ETV6: variants seen among roughly 807,000 people sequenced by gnomAD.
ETV6 encodes the protein transcription factor ETV6.
In ETV6, 16 loss-of-function variants were observed where a neutral mutation model predicts 51.1. The ratio of observed to expected loss-of-function variants is 0.31; its 90% CI spans 0.21 to 0.48. The LOEUF (loss-of-function observed/expected upper bound fraction) is 0.48, where lower values mean the gene tolerates loss of function less well. Among genes scored for constraint, ETV6 ranks in the 20% least tolerant of loss-of-function variants. The probability of loss-of-function intolerance (pLI) is 0.99; values close to 1 mark genes in which losing one functional copy is unlikely to be tolerated. For synonymous variants in ETV6, 240 were observed against 224.1 expected (o/e 1.07, Z -0.64); for missense variants, 458 against 594.8 (o/e 0.77, Z 2.39).
At chr12:11,689,525 C>T (rs530185903) in intron 1 of ETV6, among the ~76,000 whole-genome samples, 54 of 152,258 alleles carry the variant, frequency 3.5e-4, no homozygotes, top group South Asian at 8.3e-4. Flanking sequence ...CATCCTGGCA[C>T]AAAAATGTCC....
chr12:11,869,644 C>T lies in ETV6; in HGVS notation c.684C>T (p.Asn228=). ...GACCCAGGCCGCACCAGGAGAACAACCACCAGGAGTCCTACCCTCTGTCAG... is the reference window on the plus strand; with the variant it reads ...GACCCAGGCCGCACCAGGAGAACAATCACCAGGAGTCCTACCCTCTGTCAG... ...AQGPRPHQEN[N]HQESYPLSVS... is the part of the protein sequence containing the mutation. The change falls in exon 5 of 8, where the codon AAC becomes AAT. Residue 228 remains asparagine, a synonymous_variant. Transcript: ENST00000396373. This position sits in a 1 kb window ranked among gnomAD's most constrained non-coding sequence, Gnocchi z 5.0. The T allele has an allele frequency of 6.2e-7, 1 of 1,614,186 alleles. No individual in the cohort carries two copies. The highest frequency in any genetic ancestry group is 1.1e-5 in the South Asian group (1 of 91,070).
At chr12:11,860,234 C>G (rs1040472793) in intron 4 of ETV6, among the ~76,000 whole-genome samples, 1 of 152,162 alleles carries the variant, frequency 6.6e-6, no homozygotes. Flanking sequence ...TAAACCCACT[C>G]GATTCTCTAG....
chr12:11,888,024 T>C (rs183390615), intron 7 of ETV6, among the ~76,000 whole-genome samples: 11 of 152,296 alleles, frequency 7.2e-5, no homozygotes, highest in South Asian at 6.2e-4. Context: ...ACAAGCAGTT[T>C]CATGAGATCT....
At chr12:11,751,744 C>T (rs1427169307) in intron 1 of ETV6, 1 of 414,022 alleles carries the variant, frequency 2.4e-6, no homozygotes, top group East Asian at 6.3e-5. Context: ...TTTGAATGAA[C>T]TATGAAATAC....
chr12:11,711,054 A>G (rs890321858), intron 1 of ETV6, among the ~76,000 whole-genome samples: 1 of 152,236 alleles, frequency 6.6e-6, no homozygotes, highest in Non-Finnish European at 1.5e-5. Flanking sequence ...TCACAGGACC[A>G]CAGCAAATGT....
intron 7 of ETV6, 74 bp from the exon 8 acceptor site, chr12:11,890,867 A>T: frequency 9.0e-7 from 1 of 1,116,088 alleles, no homozygotes; most frequent in Non-Finnish European, 1.4e-6. Context: ...TTCTTTATAT[A>T]CAGGCTAGAG....
intron 2 of ETV6, among the ~76,000 whole-genome samples, chr12:11,824,747 G>C (rs1343318250): frequency 1.3e-5 from 2 of 152,180 alleles, no homozygotes; most frequent in Non-Finnish European, 2.9e-5. Flanking sequence ...ACTCCAGCCT[G>C]AGCGACAGAG....
intron 5 of ETV6, among the ~76,000 whole-genome samples, chr12:11,876,433 C>T (rs1164802096): frequency 6.6e-6 from 1 of 152,200 alleles, no homozygotes; most frequent in Non-Finnish European, 1.5e-5. Context: ...AACTAAGCTC[C>T]TGCTTTAACT....
chr12:11,823,522 G>A (rs569606810), intron 2 of ETV6, among the ~76,000 whole-genome samples: 20 of 149,780 alleles, frequency 1.3e-4, no homozygotes, highest in Admixed American at 6.6e-4. Context: ...GCTGGAGTGC[G>A]GTGGTACGAT....
intron 1 of ETV6, among the ~76,000 whole-genome samples, chr12:11,684,897 A>G (rs930450721): frequency 3.3e-5 from 5 of 152,240 alleles, no homozygotes; most frequent in African/African-American, 1.2e-4. Flanking sequence ...AAATGTAAGT[A>G]AAATACGAAC....
intron 1 of ETV6, among the ~76,000 whole-genome samples, chr12:11,712,646 C>T (rs1445206671): frequency 1.2e-4 from 18 of 152,174 alleles, no homozygotes; most frequent in African/African-American, 4.3e-4. Context: ...CTTCCTCTTC[C>T]TTGGGAGACC....
At chr12:11,694,416 T>C (rs963866007) in intron 1 of ETV6, among the ~76,000 whole-genome samples, 10 of 152,220 alleles carry the variant, frequency 6.6e-5, no homozygotes, top group African/African-American at 2.4e-4. Flanking sequence ...GTTGCTTTTA[T>C]AAAAAGTTCA....
At chr12:11,843,481 A>C (rs1946418569) in intron 3 of ETV6, among the ~76,000 whole-genome samples, 1 of 152,124 alleles carries the variant, frequency 6.6e-6, no homozygotes, top group African/African-American at 2.4e-5. Context: ...TGCAGTTCTC[A>C]CCACATGGAT....
At chr12:11,797,345 G>A (rs1200743856) in intron 2 of ETV6, among the ~76,000 whole-genome samples, 1 of 152,202 alleles carries the variant, frequency 6.6e-6, no homozygotes, top group African/African-American at 2.4e-5. Flanking sequence ...CAGATAGTGG[G>A]AGGAGGGCCA....
intron 3 of ETV6, chr12:11,840,434 C>T: frequency 2.2e-6 from 1 of 456,068 alleles, no homozygotes; most frequent in Non-Finnish European, 4.4e-6. Flanking sequence ...GTACTCAAGG[C>T]CCTCCTTTTA....
chr12:11,702,924 G>A (rs1865010933), intron 1 of ETV6, among the ~76,000 whole-genome samples: 1 of 152,176 alleles, frequency 6.6e-6, no homozygotes, highest in South Asian at 2.1e-4. Flanking sequence ...TGGGCAACAT[G>A]GCAAAACCCT....
intron 2 of ETV6, among the ~76,000 whole-genome samples, chr12:11,803,843 A>G (rs1945788158): frequency 1.3e-5 from 2 of 152,198 alleles, no homozygotes; most frequent in South Asian, 4.1e-4. Flanking sequence ...AATAATTGCT[A>G]TTTTCAATGC....
intron 2 of ETV6, among the ~76,000 whole-genome samples, chr12:11,801,237 T>C (rs11054460): frequency 0.025 from 3,862 of 152,296 alleles, 66 homozygotes; most frequent in Non-Finnish European, 0.041. Flanking sequence ...AGCTTTGACA[T>C]TGGCCTTTAA....
intron 1 of ETV6, among the ~76,000 whole-genome samples, chr12:11,670,494 A>C (rs1864292934): frequency 6.6e-6 from 1 of 152,252 alleles, no homozygotes; most frequent in Non-Finnish European, 1.5e-5. Context: ...CTTTAACTAT[A>C]GTTACTCATT....
Sources: gnomAD v4.1 joint callset for allele counts (sites outside exome capture counted in the v4.1 genomes callset) on GRCh38, gnomAD v4.1.1 for gene constraint, Gnocchi (gnomAD v3.1) non-coding constraint, MANE v1.5 for transcripts, NCBI Gene and HGNC (gene_info 2026-07-23, HGNC 2026-07-21) for gene names.